The following ATP2C2 variants were observed in gnomAD, a reference collection of about 807,000 sequenced individuals.
The protein encoded by ATP2C2 is calcium-transporting ATPase type 2C member 2.
In ATP2C2, 171 loss-of-function variants were observed where a neutral mutation model predicts 110.8. The observed-to-expected ratio is 1.54, with a 90% CI of 1.36 to 1.75. The LOEUF (loss-of-function observed/expected upper bound fraction) is 1.75, where lower values mean the gene tolerates loss of function less well. Among genes scored for constraint, ATP2C2 ranks in the 40% most tolerant of loss-of-function variants. The pLI, the probability that ATP2C2 is intolerant of heterozygous loss-of-function variation, is 0.00. For missense variants in ATP2C2, 1,963 were observed against 1,235.0 expected (o/e 1.59, Z -8.84); for synonymous variants, 804 against 508.4 (o/e 1.58, Z -7.82).
rs1041269228 is a variant in ATP2C2, at chr16:84,423,046, C to A, written c.844-142C>A. The A allele has an allele frequency of 1.5e-4, 103 of 700,438 alleles. No homozygotes were observed. The African/African-American group carries it at 1.5e-3, about 10-fold the overall frequency. The allele number at this position is 700,438 out of a possible 1,614,324, so 43.4% of individuals were successfully genotyped here. A position where few individuals can be genotyped will look rare whatever the true frequency, so the allele number is the denominator to read the frequency against. Reference sequence around the variant, plus strand: ...CAGTAATACGCACAGGTCTTCAGTGCAAAAGTCAATGAATGTTGACATATG... The same window carrying A: ...CAGTAATACGCACAGGTCTTCAGTGAAAAAGTCAATGAATGTTGACATATG... On this transcript the variant is annotated intron_variant, in intron 9 of 26. Transcript: ENST00000262429.
chr16:84,437,510 C>T (rs1567723612), intron 11 of ATP2C2, among the ~76,000 whole-genome samples: 1 of 152,068 alleles, frequency 6.6e-6, no homozygotes, highest in Non-Finnish European at 1.5e-5. Context: ...TGTGCCTGGC[C>T]TTAGAACATT....
chr16:84,464,131 T>C lies in ATP2C2; in HGVS notation c.*399T>C, dbSNP rs1911682732. 1 of 161,094 alleles carries C rather than the reference T, an allele frequency of 6.2e-6. No homozygotes were observed. The highest frequency in any genetic ancestry group is 1.3e-5 in the Non-Finnish European group (1 of 74,074). 10.0% of individuals were successfully genotyped at this position (161,094 alleles called of 1,614,324 possible). A position where few individuals can be genotyped will look rare whatever the true frequency, so the allele number is the denominator to read the frequency against. ...GCCCATTGCCCTCCTGGAGGCCCCA[T>C]TTCCTCATCATAAAATGAGGGACTT... is the stretch of plus-strand genomic sequence containing the variant. On this transcript the variant is annotated 3_prime_UTR_variant, in exon 27 of 27. Transcript: ENST00000262429.
At chr16:84,453,481 C>G in intron 20 of ATP2C2, 110 bp downstream of exon 20, 1 of 1,421,494 alleles carries the variant, frequency 7.0e-7, no homozygotes, top group Non-Finnish European at 9.9e-7. Context: ...CCGACCGTGG[C>G]TTCCTTCTCT....
intron 1 of ATP2C2, among the ~76,000 whole-genome samples, chr16:84,388,598 A>G (rs1285222025): frequency 1.3e-5 from 2 of 152,192 alleles, no homozygotes; most frequent in African/African-American, 2.4e-5. Context: ...AGAAGGAAGC[A>G]TCTGCCTGAG....
At chr16:84,396,904 G>A (rs1447131620) in intron 1 of ATP2C2, among the ~76,000 whole-genome samples, 2 of 151,906 alleles carry the variant, frequency 1.3e-5, no homozygotes, top group Admixed American at 1.3e-4. Context: ...AAACCGAGGT[G>A]GGTAGCACAG....
chr16:84,403,288 C>T (rs1447156105), intron 2 of ATP2C2, among the ~76,000 whole-genome samples: 1 of 152,092 alleles, frequency 6.6e-6, no homozygotes, highest in African/African-American at 2.4e-5. Flanking sequence ...AAATACACAA[C>T]ATAAAATTTA....
At chr16:84,458,963 C>G (rs574304387) in intron 21 of ATP2C2, among the ~76,000 whole-genome samples, 157 bp from the exon 22 acceptor site, 1 of 152,270 alleles carries the variant, frequency 6.6e-6, no homozygotes, top group Admixed American at 6.5e-5. Flanking sequence ...CCGTCTCCTA[C>G]AAATGTGTCC....
chr16:84,381,216 G>T (rs941363340), intron 1 of ATP2C2, among the ~76,000 whole-genome samples: 1 of 152,168 alleles, frequency 6.6e-6, no homozygotes, highest in African/African-American at 2.4e-5. Context: ...AAGGGTGGGG[G>T]AGATTACAAA....
chr16:84,459,629 C>G, intron 23 of ATP2C2: 1 of 1,505,156 alleles, frequency 6.6e-7, no homozygotes. Flanking sequence ...TGCCTGGATG[C>G]TCTCTCTGGG....
chr16:84,461,687 C>T (rs749000573), intron 24 of ATP2C2, 27 bp from the exon 25 acceptor site: 6 of 1,600,952 alleles, frequency 3.7e-6, no homozygotes, highest in East Asian at 2.2e-5. Context: ...TCCCGCCTAA[C>T]CTCTCACCTT....
At chr16:84,382,747 T>C (rs1411563040) in intron 1 of ATP2C2, among the ~76,000 whole-genome samples, 2 of 151,984 alleles carry the variant, frequency 1.3e-5, no homozygotes, top group African/African-American at 4.8e-5. Context: ...TGCAAAACAT[T>C]TAGCCAGGCA....
chr16:84,400,261 C>T (rs994551773), intron 2 of ATP2C2, among the ~76,000 whole-genome samples: 1 of 151,924 alleles, frequency 6.6e-6, no homozygotes, highest in Non-Finnish European at 1.5e-5. Context: ...ATTCTGATTT[C>T]CTTTCTTTTG....
At chr16:84,391,856 T>G (rs752305465) in intron 1 of ATP2C2, among the ~76,000 whole-genome samples, 1 of 152,036 alleles carries the variant, frequency 6.6e-6, no homozygotes, top group East Asian at 1.9e-4. Flanking sequence ...TGAAACTGTT[T>G]CCAAGTTCTT....
intron 20 of ATP2C2, 22 bp downstream of exon 20, chr16:84,453,393 C>T (rs556084410): frequency 6.2e-7 from 1 of 1,613,984 alleles, no homozygotes; most frequent in Admixed American, 1.7e-5. Context: ...AAGGCAGGCA[C>T]AGGCTGCGCT....
chr16:84,463,035 C>A (rs1911543475), intron 26 of ATP2C2: 1 of 157,472 alleles, frequency 6.4e-6, no homozygotes. Context: ...CCAAAACACT[C>A]TGCTCACTGG....
intron 15 of ATP2C2, among the ~76,000 whole-genome samples, chr16:84,444,179 A>AAAC (rs1567729950): frequency 6.8e-6 from 1 of 147,604 alleles, no homozygotes; most frequent in African/African-American, 2.5e-5. Flanking sequence ...AAAAAAAAAA[A>AAAC]AAAAACAAAA....
At chr16:84,385,253 A>G (rs1904303586) in intron 1 of ATP2C2, among the ~76,000 whole-genome samples, 1 of 152,112 alleles carries the variant, frequency 6.6e-6, no homozygotes, top group Admixed American at 6.5e-5. Flanking sequence ...GAGAGAGAGC[A>G]GGGGACGGTG....
At chr16:84,422,931 C>T (rs989947903) in intron 9 of ATP2C2, among the ~76,000 whole-genome samples, 1 of 152,016 alleles carries the variant, frequency 6.6e-6, no homozygotes, top group Non-Finnish European at 1.5e-5. Flanking sequence ...TCCCAAAGTG[C>T]CAGGATTACA....
At chr16:84,392,344 G>T (rs1317749396) in intron 1 of ATP2C2, among the ~76,000 whole-genome samples, 2 of 152,092 alleles carry the variant, frequency 1.3e-5, no homozygotes, top group African/African-American at 2.4e-5. Flanking sequence ...CAATATTGAG[G>T]TTCCCTTGGG....
Sources: allele counts gnomAD v4.1 joint callset (sites outside exome capture counted in the v4.1 genomes callset), GRCh38; gene constraint gnomAD v4.1.1; transcripts MANE v1.5; gene names NCBI Gene and HGNC (gene_info 2026-07-23, HGNC 2026-07-21).